The following GRID2 variants were observed in gnomAD, a reference collection of about 807,000 sequenced individuals.
GRID2 encodes glutamate ionotropic receptor delta type subunit 2.
In GRID2, 33 loss-of-function variants were observed where a neutral mutation model predicts 114.8. The ratio of observed to expected loss-of-function variants is 0.29; its 90% confidence interval spans 0.22 to 0.38. GRID2 has a LOEUF of 0.38. GRID2 is among the 10% of genes least tolerant of loss of function. The pLI is 1.00. For missense variants in GRID2, 1,184 were observed against 1,257.7 expected (o/e 0.94, Z 0.89); for synonymous variants, 505 against 449.9 (o/e 1.12, Z -1.55).
intron 2 of GRID2, among the ~76,000 whole-genome samples, chr4:92,971,089 G>A (rs550504869): frequency 6.6e-6 from 1 of 151,788 alleles, no homozygotes; most frequent in Non-Finnish European, 1.5e-5. Context: ...TCTCGCTTTG[G>A]CCCCTCAAAA....
chr4:92,977,463 G>A (rs975581618), intron 2 of GRID2, among the ~76,000 whole-genome samples: 1 of 152,168 alleles, frequency 6.6e-6, no homozygotes, highest in African/African-American at 2.4e-5. Context: ...AGTAGAAGAT[G>A]AAAATGGAGA....
At chr4:92,733,274 A>G (rs1462742525) in intron 2 of GRID2, among the ~76,000 whole-genome samples, 2 of 152,136 alleles carry the variant, frequency 1.3e-5, no homozygotes, top group East Asian at 3.9e-4. Flanking sequence ...TCTTTGGGCC[A>G]TACTAACTTT....
intron 13 of GRID2, among the ~76,000 whole-genome samples, chr4:93,611,368 G>A (rs1309386422): frequency 9.8e-5 from 9 of 91,508 alleles, no homozygotes; most frequent in Admixed American, 5.8e-4. Context: ...TTTTGAATGT[G>A]TTTGCTCTTG....
At chr4:93,057,529 G>A (rs1390094990) in intron 2 of GRID2, among the ~76,000 whole-genome samples, 1 of 151,540 alleles carries the variant, frequency 6.6e-6, no homozygotes. Context: ...AGAAGATGAG[G>A]GTGGCCAGGA....
chr4:92,696,518 T>C (rs1734431565), intron 2 of GRID2, among the ~76,000 whole-genome samples: 1 of 152,152 alleles, frequency 6.6e-6, no homozygotes, highest in Non-Finnish European at 1.5e-5. Flanking sequence ...ATTGACTTAG[T>C]AAATATATAG....
chr4:93,161,356 C>A (rs1374349927), intron 4 of GRID2, among the ~76,000 whole-genome samples: 1 of 151,738 alleles, frequency 6.6e-6, no homozygotes, highest in Non-Finnish European at 1.5e-5. Context: ...TTTCTGTGAC[C>A]TTTCTGAATT....
intron 1 of GRID2, among the ~76,000 whole-genome samples, chr4:93,797,083 T>C (rs929608736): frequency 2.6e-5 from 4 of 152,198 alleles, no homozygotes; most frequent in African/African-American, 9.6e-5. Flanking sequence ...TGATTGAATG[T>C]TGACAAAATG....
chr4:93,767,631 C>T (rs1221758958), intron 14 of GRID2, among the ~76,000 whole-genome samples: 1 of 152,102 alleles, frequency 6.6e-6, no homozygotes, highest in Non-Finnish European at 1.5e-5. Flanking sequence ...CTACCAGAGC[C>T]TTAAGGGCTG....
intron 1 of GRID2, among the ~76,000 whole-genome samples, chr4:92,457,291 T>C (rs1721261808): frequency 6.6e-6 from 1 of 152,152 alleles, no homozygotes; most frequent in Non-Finnish European, 1.5e-5. Flanking sequence ...GATACATTAG[T>C]TATGCTGTTT....
rs1560722412 is a variant in GRID2, at chr4:93,533,290, C to CTTCT, written c.2193+17882_2193+17883insTTTC. ...CCTTCCTTCCTTCCTTCCTTCCTTC[C>CTTCT]TTCCTTCCTTCCTTCCTTCCTTCCT... On this transcript the variant is annotated intron_variant, in intron 13 of 15. Coordinates refer to ENST00000282020, the MANE Select transcript of GRID2 (RefSeq NM_001510.4). Among the ~76,000 whole-genome samples the CTTCT allele has an allele frequency of 4.5e-5, 6 of 134,732 alleles. No individual in the cohort carries two copies. The East Asian group carries it at 1.1e-3, about 26-fold the overall frequency. 88.4% of individuals were successfully genotyped at this position (134,732 alleles called of 152,430 possible). A position where few individuals can be genotyped will look rare whatever the true frequency, so the allele number is the denominator to read the frequency against.
intron 12 of GRID2, among the ~76,000 whole-genome samples, chr4:93,501,634 T>A (rs943962813): frequency 4.6e-5 from 7 of 152,002 alleles, no homozygotes; most frequent in Non-Finnish European, 1.0e-4. Context: ...TTCCTAGAAG[T>A]ATATTGGTCT....
chr4:92,743,713 A>T (rs780281590), intron 2 of GRID2, among the ~76,000 whole-genome samples: 34 of 152,298 alleles, frequency 2.2e-4, no homozygotes, highest in Non-Finnish European at 4.4e-4. Flanking sequence ...TGCATTTTAC[A>T]TAAGGTTGTA....
chr4:92,627,229 GA>G (rs1321738057), intron 2 of GRID2, among the ~76,000 whole-genome samples: 2 of 152,070 alleles, frequency 1.3e-5, no homozygotes, highest in African/African-American at 4.8e-5. Context: ...GGAGGCAGTG[GA>G]TGTTAGCATC....
Position 93,194,357 on chromosome 4 carries a change from A to G in GRID2, c.736-13047A>G, listed in dbSNP as rs566125146. Among the ~76,000 whole-genome samples the G allele has an allele frequency of 8.5e-5, 13 of 152,346 alleles. No homozygotes were observed. In the South Asian group the frequency reaches 2.3e-3, roughly 27 times the overall value. On this transcript the variant is annotated intron_variant, in intron 4 of 15. Transcript: ENST00000282020. ...GTGTAGCAATGATTGAAGTATAAAT[A>G]TAACACTTTAGTGTGTTTTAAGGAG...
At chr4:93,617,986 C>A (rs58858797) in intron 13 of GRID2, among the ~76,000 whole-genome samples, 17,873 of 152,100 alleles carry the variant, frequency 0.12, 1,103 homozygotes, top group Middle Eastern at 0.14. Flanking sequence ...ACTACCCCCC[C>A]TAACCTTCTG....
intron 1 of GRID2, among the ~76,000 whole-genome samples, chr4:92,534,083 T>C (rs780659780): frequency 3.9e-5 from 6 of 152,124 alleles, no homozygotes; most frequent in Non-Finnish European, 8.8e-5. Context: ...AAATAGCTTA[T>C]TTAAATCTTT....
In GRID2 at chr4:92,439,507, G is replaced by A. The variant is rs566327248; in HGVS notation, c.88+134763G>A. Among the ~76,000 whole-genome samples the A allele has an allele frequency of 2.0e-5, 3 of 152,016 alleles. No homozygotes were observed. In the East Asian group the frequency reaches 5.8e-4, roughly 30 times the overall value. Reference sequence around the variant, plus strand: ...GTGGTATGGAGAGAGAATGGGCGATGTTTCTCAGGGCTGCTTCAAGCGGGA... The same window carrying A: ...GTGGTATGGAGAGAGAATGGGCGATATTTCTCAGGGCTGCTTCAAGCGGGA... On this transcript the variant is annotated intron_variant, in intron 1 of 15. Transcript: ENST00000282020.
At chr4:93,283,644 G>A (rs1247918082) in intron 8 of GRID2, among the ~76,000 whole-genome samples, 1 of 152,072 alleles carries the variant, frequency 6.6e-6, no homozygotes, top group Non-Finnish European at 1.5e-5. Flanking sequence ...ACCCTGAGTA[G>A]TCGGGGCTCT....
chr4:92,680,561 A>G (rs974600492), intron 2 of GRID2, among the ~76,000 whole-genome samples: 3 of 152,210 alleles, frequency 2.0e-5, no homozygotes, highest in African/African-American at 7.2e-5. Flanking sequence ...AGGGAGAAGT[A>G]GCAACTAAAC....
Sources: gnomAD v4.1 joint callset for allele counts (sites outside exome capture counted in the v4.1 genomes callset) on GRCh38, gnomAD v4.1.1 for gene constraint, MANE v1.5 for transcripts, NCBI Gene and HGNC (gene_info 2026-07-23, HGNC 2026-07-21) for gene names.